Variants in PDE10A observed in about 807,000 individuals in gnomAD.
PDE10A encodes the protein cAMP and cAMP-inhibited cGMP 3',5'-cyclic phosphodiesterase 10A.
In PDE10A, 39 loss-of-function variants were observed where a neutral mutation model predicts 97.7. The ratio of observed to expected loss-of-function variants is 0.40; its 90% CI spans 0.31 to 0.52. PDE10A has a LOEUF of 0.52. Ranked by LOEUF, PDE10A falls within the 20% of genes least tolerant of loss-of-function variation. The probability of loss-of-function intolerance (pLI) is 0.56; values close to 1 mark genes in which losing one functional copy is unlikely to be tolerated. For synonymous variants in PDE10A, 371 were observed against 376.8 expected (o/e 0.98, Z 0.18); for missense variants, 731 against 1,047.8 (o/e 0.70, Z 4.17).
intron 1 of PDE10A, among the ~76,000 whole-genome samples, chr6:165,638,900 T>G (rs1788999949): frequency 6.6e-6 from 1 of 152,210 alleles, no homozygotes; most frequent in Non-Finnish European, 1.5e-5. Flanking sequence ...ATAAGGCTTA[T>G]TAACATTTAC....
At chr6:165,873,060 T>C (rs554255124) in intron 1 of PDE10A, among the ~76,000 whole-genome samples, 1 of 152,248 alleles carries the variant, frequency 6.6e-6, no homozygotes, top group East Asian at 1.9e-4. Context: ...TTCCAACCCC[T>C]CTTTGGCCAG....
chr6:165,377,014 C>A (rs1784647958), intron 18 of PDE10A, among the ~76,000 whole-genome samples: 1 of 152,172 alleles, frequency 6.6e-6, no homozygotes, highest in Non-Finnish European at 1.5e-5. Context: ...TGAGGCAAGA[C>A]CCTTCACCAG....
intron 1 of PDE10A, among the ~76,000 whole-genome samples, chr6:165,656,739 G>C (rs1008130767): frequency 1.3e-5 from 2 of 152,170 alleles, no homozygotes; most frequent in Admixed American, 1.3e-4. Flanking sequence ...GCAAAGCGAA[G>C]GCACTGCCTC....
chr6:165,899,523 C>A (rs2128483920), intron 1 of PDE10A, among the ~76,000 whole-genome samples: 1 of 152,322 alleles, frequency 6.6e-6, no homozygotes, highest in Middle Eastern at 3.4e-3. Flanking sequence ...AGGCTAGTGG[C>A]AGAGAGATGT....
At chr6:165,723,787 A>G (rs1305036792) in intron 1 of PDE10A, among the ~76,000 whole-genome samples, 1 of 152,140 alleles carries the variant, frequency 6.6e-6, no homozygotes, top group East Asian at 1.9e-4. Flanking sequence ...CTCCAATTGG[A>G]TACCTAAACA....
At chr6:165,681,424 G>C (rs4709959) in intron 1 of PDE10A, among the ~76,000 whole-genome samples, 121,424 of 149,284 alleles carry the variant, frequency 0.81, 49,716 homozygotes, top group Non-Finnish European at 0.87. Context: ...GTGTGTGTGT[G>C]TGTGTCTGTG....
intron 2 of PDE10A, among the ~76,000 whole-genome samples, chr6:165,530,817 G>A (rs1012181976): frequency 1.3e-5 from 2 of 152,146 alleles, no homozygotes; most frequent in African/African-American, 2.4e-5. Flanking sequence ...GTTTTGGAGA[G>A]GCATCAATCA....
chr6:165,831,489 T>TTA (rs1304718225), intron 1 of PDE10A, among the ~76,000 whole-genome samples: 5 of 148,964 alleles, frequency 3.4e-5, no homozygotes, highest in Admixed American at 6.7e-5. Context: ...TTTTTTTTTT[T>TTA]TTATTTGAGA....
At chr6:165,959,065 G>A (rs1413265383) in intron 1 of PDE10A, among the ~76,000 whole-genome samples, 1 of 152,204 alleles carries the variant, frequency 6.6e-6, no homozygotes, top group African/African-American at 2.4e-5. Flanking sequence ...AAGATTGGGT[G>A]GTAATGGGGC....
At chr6:165,425,192 T>C (rs1378390084) in intron 10 of PDE10A, among the ~76,000 whole-genome samples, 1 of 152,076 alleles carries the variant, frequency 6.6e-6, no homozygotes, top group Non-Finnish European at 1.5e-5. Context: ...AAGTTAACTA[T>C]GGGGGACCAT....
At chr6:165,896,632 C>T (rs1466722775) in intron 1 of PDE10A, among the ~76,000 whole-genome samples, 1 of 150,312 alleles carries the variant, frequency 6.7e-6, no homozygotes, top group Non-Finnish European at 1.5e-5. Flanking sequence ...ACACGCCATT[C>T]TCCTGCCTCA....
chr6:165,382,419 T>C (rs889231438), intron 17 of PDE10A, among the ~76,000 whole-genome samples: 1 of 152,162 alleles, frequency 6.6e-6, no homozygotes, highest in Admixed American at 6.5e-5. Flanking sequence ...AGAATACTGA[T>C]TTTGAAAGTT....
At chr6:165,669,046 C>T (rs927577117) in intron 1 of PDE10A, among the ~76,000 whole-genome samples, 1 of 152,320 alleles carries the variant, frequency 6.6e-6, no homozygotes, top group Non-Finnish European at 1.5e-5. Flanking sequence ...AGAAGGCTCC[C>T]GTCTAGACTG....
At chr6:165,782,791 G>A (rs1778379024) in intron 1 of PDE10A, among the ~76,000 whole-genome samples, 2 of 152,222 alleles carry the variant, frequency 1.3e-5, no homozygotes, top group African/African-American at 4.8e-5. Context: ...CAGATGCATG[G>A]TGACTTAATG....
chr6:165,458,630 T>C (rs1185468854), intron 3 of PDE10A, among the ~76,000 whole-genome samples: 1 of 152,088 alleles, frequency 6.6e-6, no homozygotes, highest in Non-Finnish European at 1.5e-5. Context: ...CAGTAAATTG[T>C]ATCTATCAAT....
chr6:165,765,527 G>T (rs1349399818), intron 1 of PDE10A, among the ~76,000 whole-genome samples: 2 of 152,384 alleles, frequency 1.3e-5, no homozygotes, highest in Admixed American at 1.3e-4. Flanking sequence ...CGCTGGCCCG[G>T]GTGCTAAGTC....
upstream of PDE10A, among the ~76,000 whole-genome samples, chr6:165,667,389 A>G (rs974571949): frequency 4.6e-5 from 7 of 152,202 alleles, no homozygotes; most frequent in Non-Finnish European, 1.0e-4. Flanking sequence ...AATTAATTGT[A>G]AAACAAATTG....
intron 5 of PDE10A, among the ~76,000 whole-genome samples, chr6:165,439,010 T>C (rs1192045506): frequency 6.6e-6 from 1 of 150,862 alleles, no homozygotes; most frequent in Non-Finnish European, 1.5e-5. Flanking sequence ...GTGAAGTATC[T>C]ACATGAAGGC....
At chr6:165,697,288 A>G (rs1157130780) in intron 1 of PDE10A, among the ~76,000 whole-genome samples, 1 of 152,220 alleles carries the variant, frequency 6.6e-6, no homozygotes, top group Middle Eastern at 3.2e-3. Flanking sequence ...TGATGCATCA[A>G]GAAAAGGAAC....
Sources: allele counts gnomAD v4.1 joint callset (sites outside exome capture counted in the v4.1 genomes callset), GRCh38; gene constraint gnomAD v4.1.1; transcripts MANE v1.5; gene names NCBI Gene and HGNC (gene_info 2026-07-23, HGNC 2026-07-21).